HERC5: variants seen among roughly 807,000 people sequenced by gnomAD.
The protein encoded by HERC5 is HECT and RLD domain containing E3 ubiquitin protein ligase 5, also known as E3 ISG15--protein ligase HERC5.
Under a neutral mutation model 119.6 loss-of-function variants are expected in HERC5, and 99 were observed. The ratio of observed to expected loss-of-function variants is 0.83; its 90% CI spans 0.70 to 0.98. The LOEUF (loss-of-function observed/expected upper bound fraction) is 0.98, where lower values mean the gene tolerates loss of function less well. Among genes scored for constraint, HERC5 ranks in the 50% least tolerant of loss-of-function variants. HERC5 has a pLI of 0.00. For missense variants in HERC5, 1,267 were observed against 1,241.3 expected (o/e 1.02, Z -0.31); for synonymous variants, 478 against 445.9 (o/e 1.07, Z -0.91).
chr4:88,473,660 A>C (rs1740952672), intron 11 of HERC5: 1 of 152,182 alleles, frequency 6.6e-6, no homozygotes, highest in Admixed American at 6.5e-5. Flanking sequence ...TTTCATCAAC[A>C]TTTGTTAGAG....
chr4:88,471,416 A>G (rs1332575969), intron 10 of HERC5, among the ~76,000 whole-genome samples: 1 of 151,462 alleles, frequency 6.6e-6, no homozygotes, highest in Non-Finnish European at 1.5e-5. Context: ...TCTTGGGCTC[A>G]AGCATCATCA....
At chr4:88,477,910 C>T (rs1002523653) in intron 12 of HERC5, among the ~76,000 whole-genome samples, 3 of 152,190 alleles carry the variant, frequency 2.0e-5, no homozygotes, top group Non-Finnish European at 4.4e-5. Flanking sequence ...TTAAACACCT[C>T]AGACTGGAAG....
chr4:88,501,947 C>T (rs1039328085), intron 20 of HERC5, among the ~76,000 whole-genome samples: 4 of 152,026 alleles, frequency 2.6e-5, no homozygotes, highest in Non-Finnish European at 4.4e-5. Flanking sequence ...TACAGGCGCC[C>T]GCCACCACGC....
At chr4:88,482,177 G>T (rs145991643) in intron 13 of HERC5, among the ~76,000 whole-genome samples, 38 of 152,188 alleles carry the variant, frequency 2.5e-4, no homozygotes, top group African/African-American at 8.7e-4. Flanking sequence ...GGGTGTGGTG[G>T]CGTATGCCTG....
chr4:88,462,585 T>C (rs1224402821), intron 4 of HERC5, among the ~76,000 whole-genome samples: 1 of 152,174 alleles, frequency 6.6e-6, no homozygotes, highest in Admixed American at 6.5e-5. Context: ...GAAAGGGCAT[T>C]GAATTAGGGA....
chr4:88,496,471 G>A (rs1741798277), intron 18 of HERC5, among the ~76,000 whole-genome samples: 1 of 152,148 alleles, frequency 6.6e-6, no homozygotes, highest in Admixed American at 6.5e-5. Flanking sequence ...TAGAACAGAC[G>A]ATAGAGCTCA....
intron 3 of HERC5, 124 bp from the exon 4 acceptor site, chr4:88,462,011 A>G: frequency 3.9e-6 from 3 of 771,040 alleles, no homozygotes; most frequent in Non-Finnish European, 6.4e-6. Context: ...GGTAACTGAG[A>G]GTACCATCAG....
chr4:88,476,473 C>T (rs1741069755), intron 12 of HERC5, among the ~76,000 whole-genome samples: 1 of 152,070 alleles, frequency 6.6e-6, no homozygotes, highest in Admixed American at 6.5e-5. Context: ...TACAATTGTG[C>T]TTTTGTAATT....
chr4:88,486,015 AGT>A (rs771297515), intron 13 of HERC5, 98 bp from the exon 14 acceptor site: 2 of 644,032 alleles, frequency 3.1e-6, no homozygotes, highest in Admixed American at 2.8e-5. Flanking sequence ...TCATTATAAG[AGT>A]GTTTCATTTA....
chr4:88,458,397 GTT>G (rs550662608), intron 1 of HERC5, among the ~76,000 whole-genome samples: 1 of 145,722 alleles, frequency 6.9e-6, no homozygotes. Context: ...TAATTTTAAG[GTT>G]TTTTTTTTTA....
chr4:88,462,327 G>C lies in HERC5; in HGVS notation c.659G>C (p.Cys220Ser). The C allele has an allele frequency of 6.2e-7, 1 of 1,614,146 alleles. No homozygotes were observed. The highest frequency in any genetic ancestry group is 8.5e-7 in the Non-Finnish European group (1 of 1,180,002). ...GNIYSWGKNE[C>S]GQLGLGHTES... is the part of the protein sequence containing the mutation. Reference sequence around the variant, plus strand: ...ATTTATTCATGGGGAAAAAATGAATGTGGACAACTAGGCCTGGGCCACACT... The same window carrying C: ...ATTTATTCATGGGGAAAAAATGAATCTGGACAACTAGGCCTGGGCCACACT... Residue 220 changes from cysteine (C) to serine (S), a missense_variant, in exon 4 of 23, where the codon TGT becomes TCT. Cys to Ser is a moderately radical substitution (Grantham distance 112, BLOSUM62 -1). This residue lies in a region of HERC5 where 777 missense variants were observed against 758.0 expected (regional missense o/e 1.03). Transcript: ENST00000264350.
intron 13 of HERC5, 48 bp downstream of exon 13, chr4:88,479,555 T>G: frequency 6.9e-7 from 1 of 1,447,350 alleles, no homozygotes; most frequent in Non-Finnish European, 9.2e-7. Context: ...GCTGTAAAAA[T>G]TCCCTTCCTT....
chr4:88,459,541 T>C lies in HERC5; in HGVS notation c.389+71T>C. 3.0e-6 allele frequency: 3 copies of C among 1,016,128 alleles called. No homozygotes were observed. The Admixed American group carries it at 8.3e-5, about 28-fold the overall frequency. The allele number at this position is 1,016,128 out of a possible 1,614,324, so 62.9% of individuals were successfully genotyped here. A position where few individuals can be genotyped will look rare whatever the true frequency, so the allele number is the denominator to read the frequency against. ...ACAATAATAATTTCTGTAGGAAATA[T>C]CTGATTCTTGTCCCCTGCTTTATAT... On this transcript the variant is annotated intron_variant, in intron 2 of 22. Coordinates refer to ENST00000264350, the MANE Select transcript of HERC5 (RefSeq NM_016323.4).
chr4:88,457,935 G>C, intron 1 of HERC5: 6 of 1,007,424 alleles, frequency 6.0e-6, no homozygotes, highest in Non-Finnish European at 7.1e-6. Flanking sequence ...CGTTCTCAGT[G>C]ATGGGATTTT....
chr4:88,496,072 A>G (rs1324672321), intron 18 of HERC5, among the ~76,000 whole-genome samples: 1 of 152,216 alleles, frequency 6.6e-6, no homozygotes, highest in Non-Finnish European at 1.5e-5. Context: ...ATTCCACAAT[A>G]TCATATAGCC....
Position 88,487,130 on chromosome 4 carries a change from A to T in HERC5, c.1913A>T (p.Asn638Ile). Reference sequence around the variant, plus strand: ...AGTCACTTTCCATTTATCTTTAATAATCTGTCGAAAATTAAACTACTACAT... The same window carrying T: ...AGTCACTTTCCATTTATCTTTAATATTCTGTCGAAAATTAAACTACTACAT... ...IFSHFPFIFNNLSKIKLLHTD... is the reference protein window; with the variant it reads ...IFSHFPFIFNILSKIKLLHTD... Residue 638 changes from asparagine to isoleucine, a missense_variant, in exon 15 of 23, where the codon AAT becomes ATT. By Grantham distance (149) the Asn-to-Ile change is moderately radical. This residue lies in a region of HERC5 where 17 missense variants were observed against 37.7 expected (regional missense o/e 0.45). Coordinates refer to ENST00000264350, the MANE Select transcript of HERC5 (RefSeq NM_016323.4). 1 of 1,611,042 alleles carries T rather than the reference A, an allele frequency of 6.2e-7. No individual in the cohort carries two copies. Among genetic ancestry groups the T allele is most frequent in the Non-Finnish European group, 8.5e-7 (1 of 1,177,846 alleles).
chr4:88,493,125 A>C lies in HERC5; in HGVS notation c.2247A>C (p.Glu749Asp). 6.2e-7 allele frequency: 1 copy of C among 1,613,968 alleles called. No homozygotes were observed. Among genetic ancestry groups the C allele is most frequent in the South Asian group, 1.1e-5 (1 of 91,052 alleles). Reference protein sequence around the residue: ...QPEYGMFMYPEGASCMWFPVK... With the variant: ...QPEYGMFMYPDGASCMWFPVK... ...AATATGGGATGTTCATGTATCCTGA[A>C]GGGGCTTCCTGCATGTGGTTTCCTG... is the stretch of plus-strand genomic sequence containing the variant. Residue 749 changes from glutamate (E) to aspartate (D), a missense_variant, in exon 17 of 23, where the codon GAA (glutamate) becomes GAC (aspartate). Around this residue, in one of 3 missense-constraint regions of HERC5, gnomAD observed 473 missense variants for 445.7 expected, o/e 1.06. Coordinates refer to ENST00000264350, the MANE Select transcript of HERC5 (RefSeq NM_016323.4).
Position 88,457,178 on chromosome 4 carries a change from GC to G in HERC5, c.-91del. The G allele has an allele frequency of 8.1e-7, 1 of 1,237,350 alleles. No homozygotes were observed. The highest frequency in any genetic ancestry group is 1.0e-6 in the Non-Finnish European group (1 of 989,868). 76.6% of individuals were successfully genotyped at this position (1,237,350 alleles called of 1,614,324 possible). ...GCTGCGCGCAGCTGGTTCCCGCTCT[GC>G]AGCGCAACGCCTGAGGCAGTGGGCG... On this transcript the variant is annotated 5_prime_UTR_variant, in exon 1 of 23. Coordinates refer to ENST00000264350, the MANE Select transcript of HERC5 (RefSeq NM_016323.4).
chr4:88,466,955 TTCACTC>T, intron 6 of HERC5, 98 bp from the exon 7 acceptor site: 1 of 1,112,066 alleles, frequency 9.0e-7, no homozygotes. Context: ...GATGTTTAGT[TTCACTC>T]TCACTGGGTA....
Sources: allele counts gnomAD v4.1 joint callset (sites outside exome capture counted in the v4.1 genomes callset), GRCh38; gene constraint gnomAD v4.1.1; regional missense constraint gnomAD v4.1.1; transcripts MANE v1.5; gene names NCBI Gene and HGNC (gene_info 2026-07-23, HGNC 2026-07-21).